Variants in TBC1D15 observed in about 807,000 individuals in gnomAD.
The protein encoded by TBC1D15 is GAP for RAB7.
In TBC1D15, 39 loss-of-function variants were observed where a neutral mutation model predicts 95.4. That is an observed-to-expected ratio of 0.41 (90% CI 0.32 to 0.53). TBC1D15 has a LOEUF of 0.53. Ranked by LOEUF, TBC1D15 falls within the 20% of genes least tolerant of loss-of-function variation. The probability of loss-of-function intolerance (pLI) is 0.29; values close to 1 mark genes in which losing one functional copy is unlikely to be tolerated. For synonymous variants in TBC1D15, 258 were observed against 261.3 expected, an observed-to-expected ratio of 0.99 and a Z score of 0.12; for missense variants, 733 against 794.3, an observed-to-expected ratio of 0.92 and a Z score of 0.93.
chr12:71,850,091 A>T (rs1295041942), intron 1 of TBC1D15: 1 of 517,032 alleles, frequency 1.9e-6, no homozygotes, highest in East Asian at 4.6e-5. Context: ...TGATAATCTA[A>T]TATCAGAAGA....
chr12:71,910,413 C>A (rs7975676), intron 11 of TBC1D15, among the ~76,000 whole-genome samples: 17,365 of 146,442 alleles, frequency 0.12, 1,344 homozygotes, highest in African/African-American at 0.22. Context: ...TCATTGGTAG[C>A]TTGATGGGGA....
intron 10 of TBC1D15, among the ~76,000 whole-genome samples, chr12:71,903,972 A>T (rs1900067691): frequency 6.6e-6 from 1 of 152,200 alleles, no homozygotes; most frequent in South Asian, 2.1e-4. Context: ...TTACCTGTGT[A>T]ACAAACTTGG....
chr12:71,922,485 C>CT (rs1222153472), intron 16 of TBC1D15, among the ~76,000 whole-genome samples: 1 of 151,848 alleles, frequency 6.6e-6, no homozygotes, highest in African/African-American at 2.4e-5. Context: ...TGGTTTGCTG[C>CT]ACCCCTTATG....
intron 9 of TBC1D15, chr12:71,897,360 A>T (rs528298270): frequency 1.3e-5 from 2 of 156,834 alleles, no homozygotes; most frequent in Admixed American, 6.5e-5. Context: ...GTGCATATTT[A>T]AGTTATCTGA....
chr12:71,918,230 C>G (rs953289099), intron 13 of TBC1D15, among the ~76,000 whole-genome samples: 2 of 152,200 alleles, frequency 1.3e-5, no homozygotes, highest in Admixed American at 1.3e-4. Flanking sequence ...ACCAAACTCT[C>G]TTTGTATAAT....
At chr12:71,867,750 A>G (rs955408013) in intron 1 of TBC1D15, among the ~76,000 whole-genome samples, 1 of 152,246 alleles carries the variant, frequency 6.6e-6, no homozygotes, top group Non-Finnish European at 1.5e-5. Context: ...TGGCCTTCCA[A>G]AGTGCTGGGA....
At chr12:71,857,338 A>T (rs1190650155) in intron 1 of TBC1D15, among the ~76,000 whole-genome samples, 1 of 152,262 alleles carries the variant, frequency 6.6e-6, no homozygotes, top group Non-Finnish European at 1.5e-5. Flanking sequence ...GTTATGTGAG[A>T]TGAAATTATT....
In TBC1D15 at chr12:71,920,676, G is replaced by A. The variant is rs1472408881; in HGVS notation, c.1600-55G>A. 11 of 1,296,930 alleles carry A rather than the reference G, an allele frequency of 8.5e-6. No homozygotes were observed. The African/African-American group carries it at 8.8e-5, about 10-fold the overall frequency. 80.3% of individuals were successfully genotyped at this position (1,296,930 alleles called of 1,614,324 possible). ...TCAGTGTTCAGAATTGTATCTGTGA[G>A]GAAAATGTTTTAGAATTGATACAAT... is the stretch of plus-strand genomic sequence containing the variant. On this transcript the variant is annotated intron_variant, in intron 14 of 16. Transcript: ENST00000485960.
intron 2 of TBC1D15, 56 bp from the exon 3 acceptor site, chr12:71,872,873 A>T: frequency 7.8e-7 from 1 of 1,276,488 alleles, no homozygotes; most frequent in South Asian, 1.4e-5. Flanking sequence ...GGAATAAAAT[A>T]ATTAAGAATA....
chr12:71,919,232 G>A (rs1268044233), intron 14 of TBC1D15, among the ~76,000 whole-genome samples: 1 of 145,364 alleles, frequency 6.9e-6, no homozygotes. Context: ...AAGAGAAGGG[G>A]TCTTGCTATG....
intron 1 of TBC1D15, among the ~76,000 whole-genome samples, chr12:71,855,633 A>G (rs1272258484): frequency 1.5e-5 from 2 of 136,680 alleles, no homozygotes; most frequent in African/African-American, 2.8e-5. Context: ...GCACCACTGC[A>G]CTCCAGCCTG....
chr12:71,849,295 T>C, intron 1 of TBC1D15: 1 of 928,356 alleles, frequency 1.1e-6, no homozygotes, highest in South Asian at 1.4e-5. Flanking sequence ...CACGCTTCTA[T>C]CTGCCAGAAG....
At chr12:71,886,439 G>C (rs777007256) in intron 5 of TBC1D15, among the ~76,000 whole-genome samples, 5 of 152,214 alleles carry the variant, frequency 3.3e-5, no homozygotes, top group Non-Finnish European at 7.3e-5. Context: ...CGAAGTGCTA[G>C]GATTACAGGC....
chr12:71,888,765 C>T (rs1566016814), intron 5 of TBC1D15, among the ~76,000 whole-genome samples: 2 of 151,962 alleles, frequency 1.3e-5, no homozygotes. Context: ...CACTTAAGTC[C>T]CTGGGAAGGA....
intron 11 of TBC1D15, among the ~76,000 whole-genome samples, chr12:71,911,572 A>G (rs1365641673): frequency 2.9e-5 from 4 of 139,666 alleles, no homozygotes; most frequent in African/African-American, 8.0e-5. Flanking sequence ...GAATTGAACA[A>G]TGAGAACACA....
In TBC1D15 at chr12:71,923,206, C is replaced by G. The variant is rs763878854; in HGVS notation, c.*2C>G. The G allele has an allele frequency of 1.2e-5, 19 of 1,613,096 alleles. No homozygotes were observed. The highest frequency in any genetic ancestry group is 1.4e-5 in the Non-Finnish European group (17 of 1,179,402). Reference sequence around the variant, plus strand: ...GTCTGCAGATTAACACCTGCATGATCACTGTTCTTGCTTTTTTGGGAAGAG... The same window carrying G: ...GTCTGCAGATTAACACCTGCATGATGACTGTTCTTGCTTTTTTGGGAAGAG... On this transcript the variant is annotated 3_prime_UTR_variant, in exon 17 of 17. Transcript: ENST00000485960.
At chr12:71,913,475 T>A in intron 11 of TBC1D15, 1 of 197,710 alleles carries the variant, frequency 5.1e-6, no homozygotes, top group Non-Finnish European at 1.0e-5. Flanking sequence ...TGTATACTCT[T>A]ACATTTGATG....
At chr12:71,854,985 AAAG>A in intron 1 of TBC1D15, 1 of 383,124 alleles carries the variant, frequency 2.6e-6, no homozygotes, top group Non-Finnish European at 5.1e-6. Flanking sequence ...ACACTGCTAT[AAAG>A]AAATACCTGA....
rs1010873478 is a variant in TBC1D15 at position 71,895,888 on chromosome 12, G to A, written c.856-59G>A. On this transcript the variant is annotated intron_variant, in intron 7 of 16. Transcript: ENST00000485960. ...AGTATTTTAAATTTAGTTTCTATATGCCTTTATTTCATTTCACTGGTTAAA... is the reference window on the plus strand; with the variant it reads ...AGTATTTTAAATTTAGTTTCTATATACCTTTATTTCATTTCACTGGTTAAA... 7 of 1,510,392 alleles carry A rather than the reference G, an allele frequency of 4.6e-6. No homozygotes were observed. In the South Asian group the frequency reaches 6.2e-5, roughly 13 times the overall value. 93.6% of individuals were successfully genotyped at this position (1,510,392 alleles called of 1,614,324 possible).
Sources: allele counts gnomAD v4.1 joint callset (sites outside exome capture counted in the v4.1 genomes callset), GRCh38; gene constraint gnomAD v4.1.1; transcripts MANE v1.5; gene names NCBI Gene and HGNC (gene_info 2026-07-23, HGNC 2026-07-21).